PTPRG: variants seen among roughly 807,000 people sequenced by gnomAD.
The protein encoded by PTPRG is protein tyrosine phosphatase receptor type G, also known as receptor-type tyrosine-protein phosphatase gamma.
A neutral mutation model predicts 165.3 loss-of-function variants in PTPRG; 102 were observed. That is an observed-to-expected ratio of 0.62 (90% CI 0.53 to 0.73). PTPRG has a LOEUF of 0.73. Among genes scored for constraint, PTPRG ranks in the 30% least tolerant of loss-of-function variants. The probability of loss-of-function intolerance (pLI) is 0.00; values close to 1 mark genes in which losing one functional copy is unlikely to be tolerated. For missense variants in PTPRG, 1,866 were observed against 1,861.4 expected (o/e 1.00, Z -0.05); for synonymous variants, 675 against 669.5 (o/e 1.01, Z -0.13).
intron 2 of PTPRG, among the ~76,000 whole-genome samples, chr3:61,836,755 G>GT (rs992975707): frequency 1.4e-4 from 21 of 151,198 alleles, no homozygotes; most frequent in Admixed American, 7.3e-4. Flanking sequence ...TTTTTTATTT[G>GT]TTTTTTTCAG....
At chr3:62,026,138 A>G (rs1252618539) in intron 4 of PTPRG, among the ~76,000 whole-genome samples, 1 of 152,204 alleles carries the variant, frequency 6.6e-6, no homozygotes, top group Non-Finnish European at 1.5e-5. Flanking sequence ...ATCACTGCAT[A>G]AATAGCCATA....
At chr3:61,828,387 C>A (rs904532481) in intron 2 of PTPRG, among the ~76,000 whole-genome samples, 7 of 152,204 alleles carry the variant, frequency 4.6e-5, no homozygotes, top group Non-Finnish European at 1.0e-4. Context: ...CAGGCATAGT[C>A]AGTAGCGTCT....
intron 2 of PTPRG, among the ~76,000 whole-genome samples, chr3:61,880,351 G>C (rs759829363): frequency 4.9e-4 from 74 of 152,158 alleles, no homozygotes; most frequent in Non-Finnish European, 9.3e-4. Flanking sequence ...GGCTCATGCC[G>C]CACACAATGG....
chr3:61,568,550 T>C (rs941414053), intron 1 of PTPRG, among the ~76,000 whole-genome samples: 33 of 152,180 alleles, frequency 2.2e-4, no homozygotes, highest in Non-Finnish European at 4.4e-5. Context: ...CTGTGTGAGA[T>C]AGCTTGCTGG....
intron 4 of PTPRG, among the ~76,000 whole-genome samples, chr3:62,061,003 G>A (rs1700791024): frequency 6.6e-6 from 1 of 152,150 alleles, no homozygotes; most frequent in Admixed American, 6.6e-5. Context: ...CTCCTAAATT[G>A]TCAATGAACG....
At chr3:61,584,517 A>G (rs929250930) in intron 1 of PTPRG, among the ~76,000 whole-genome samples, 1 of 152,028 alleles carries the variant, frequency 6.6e-6, no homozygotes, top group Non-Finnish European at 1.5e-5. Context: ...TCATTTGTTT[A>G]TAACTATGAA....
In PTPRG at chr3:61,623,871, G is replaced by A. The variant is rs563811532; in HGVS notation, c.85+61499G>A. 6.6e-5 allele frequency among the ~76,000 whole-genome samples: 10 copies of A among 152,316 alleles called. No homozygotes were observed. In the East Asian group the frequency reaches 1.9e-3, roughly 29 times the overall value. The stretch of plus-strand genomic sequence containing the variant: ...AAAACATCTGAGGAGACAGGAGCAG[G>A]CAGCATGAGTCTATTTCTAAATTTT... On this transcript the variant is annotated intron_variant, in intron 1 of 29. Coordinates refer to ENST00000474889, the MANE Select transcript of PTPRG (RefSeq NM_002841.4).
Position 62,247,598 on chromosome 3 carries a change from TGAGA to T in PTPRG, c.2467+3703_2467+3706del, listed in dbSNP as rs1559702989. ...TACTTATTTTTATTCTTTTCCTTCC[TGAGA>T]GAAAGACTCAACTCAGCAAGACATC... is the stretch of plus-strand genomic sequence containing the variant. On this transcript the variant is annotated intron_variant, in intron 15 of 29. Transcript: ENST00000474889. Among the ~76,000 whole-genome samples, 12 of 152,248 alleles carry T rather than the reference TGAGA, an allele frequency of 7.9e-5. No homozygotes were observed. In the East Asian group the frequency reaches 1.9e-3, roughly 25 times the overall value.
Position 61,847,520 on chromosome 3 carries a change from C to T in PTPRG, c.190+98538C>T, listed in dbSNP as rs113869566. ...AGGACACTCATGCACTCAGTCTCAC[C>T]GGCTGTATTTTGAGGGCTCAGGAGC... On this transcript the variant is annotated intron_variant, in intron 2 of 29. Transcript: ENST00000474889. Among the ~76,000 whole-genome samples, 68 of 152,246 alleles carry T rather than the reference C, an allele frequency of 4.5e-4. 1 individual carries two copies. The East Asian group carries it at 8.5e-3, about 19-fold the overall frequency.
At chr3:62,162,221 T>C (rs1381446226) in intron 7 of PTPRG, among the ~76,000 whole-genome samples, 5 of 152,218 alleles carry the variant, frequency 3.3e-5, no homozygotes, top group Admixed American at 1.3e-4. Context: ...GTAATACTTT[T>C]ATAATAAAAA....
In PTPRG at chr3:61,860,434, C is replaced by CTTTT. The variant is rs766688465; in HGVS notation, c.190+111473_190+111476dup. 2.8e-3 allele frequency among the ~76,000 whole-genome samples: 263 copies of CTTTT among 95,540 alleles called. 2 individuals are homozygous for CTTTT. Among genetic ancestry groups the CTTTT allele is most frequent in the African/African-American group, 3.4e-3 (90 of 26,098 alleles). The allele number at this position is 95,540 out of a possible 152,430, so 62.7% of individuals were successfully genotyped here. On this transcript the variant is annotated intron_variant, in intron 2 of 29. Coordinates refer to ENST00000474889, the MANE Select transcript of PTPRG (RefSeq NM_002841.4). ...GCTGTGCTTTTTTTTGTTTTTGTTC[C>CTTTT]TTTTTTTTTTTTTTTTTTTTTTTTG...
rs541601888 is a variant in PTPRG at position 61,927,622 on chromosome 3, C to G, written c.191-62003C>G. Among the ~76,000 whole-genome samples the G allele has an allele frequency of 4.6e-5, 7 of 152,238 alleles. No homozygotes were observed. In the South Asian group the frequency reaches 1.5e-3, roughly 32 times the overall value. Reference sequence around the variant, plus strand: ...ATTTGGGCTGTGGTTTGCTGCTAACCGTGTGAGTCTGCAAAATGATCCCTT... The same window carrying G: ...ATTTGGGCTGTGGTTTGCTGCTAACGGTGTGAGTCTGCAAAATGATCCCTT... On this transcript the variant is annotated intron_variant, in intron 2 of 29. Coordinates refer to ENST00000474889, the MANE Select transcript of PTPRG (RefSeq NM_002841.4).
chr3:62,023,865 A>G (rs1455130792), intron 4 of PTPRG, among the ~76,000 whole-genome samples: 1 of 152,156 alleles, frequency 6.6e-6, no homozygotes, highest in Non-Finnish European at 1.5e-5. Context: ...TCATGAGAAC[A>G]TGAGATGTTG....
chr3:61,991,841 T>G (rs1256108350), intron 3 of PTPRG, among the ~76,000 whole-genome samples: 1 of 152,200 alleles, frequency 6.6e-6, no homozygotes, highest in African/African-American at 2.4e-5. Context: ...CATTGACAGC[T>G]TTCAGCTTCG....
chr3:62,236,013 T>C (rs544476940), intron 14 of PTPRG, among the ~76,000 whole-genome samples: 32 of 152,294 alleles, frequency 2.1e-4, no homozygotes, highest in African/African-American at 7.5e-4. Context: ...ATTTGGAAAA[T>C]ATGGCCACTA....
chr3:61,931,603 G>A (rs1575797561), intron 2 of PTPRG, among the ~76,000 whole-genome samples: 1 of 152,152 alleles, frequency 6.6e-6, no homozygotes, highest in Non-Finnish European at 1.5e-5. Flanking sequence ...TCTTAGAGCT[G>A]CCTTCCCACC....
chr3:62,083,121 CTAAAA>C (rs931069298), intron 5 of PTPRG, among the ~76,000 whole-genome samples: 5 of 152,118 alleles, frequency 3.3e-5, no homozygotes, highest in South Asian at 2.1e-4. Context: ...AGTACAGAAA[CTAAAA>C]TAATTATTTT....
intron 12 of PTPRG, among the ~76,000 whole-genome samples, chr3:62,204,299 G>A (rs925798476): frequency 6.6e-6 from 1 of 152,128 alleles, no homozygotes; most frequent in South Asian, 2.1e-4. Context: ...ATTATATAAT[G>A]TATCTACAAA....
At chr3:61,791,445 T>C (rs1457882807) in intron 2 of PTPRG, among the ~76,000 whole-genome samples, 1 of 152,194 alleles carries the variant, frequency 6.6e-6, no homozygotes, top group African/African-American at 2.4e-5. Flanking sequence ...AAGAGTTGGG[T>C]ACGTATTTGT....
Sources: allele counts gnomAD v4.1 joint callset (sites outside exome capture counted in the v4.1 genomes callset), GRCh38; gene constraint gnomAD v4.1.1; transcripts MANE v1.5; gene names NCBI Gene and HGNC (gene_info 2026-07-23, HGNC 2026-07-21).